Variants in SVOPL observed in about 807,000 individuals in gnomAD.
SVOPL encodes the protein putative transporter SVOPL.
A neutral mutation model predicts 61.0 loss-of-function variants in SVOPL; 60 were observed. The observed-to-expected ratio is 0.98, with a 90% CI of 0.80 to 1.22. SVOPL has a LOEUF of 1.22. Ranked by LOEUF, SVOPL falls within the 50% of genes most tolerant of loss-of-function variation. The pLI, the probability that SVOPL is intolerant of heterozygous loss-of-function variation, is 0.00. For synonymous variants in SVOPL, 279 were observed against 250.0 expected, an observed-to-expected ratio of 1.12 and a Z score of -1.09; for missense variants, 662 against 643.9, an observed-to-expected ratio of 1.03 and a Z score of -0.30.
chr7:138,697,620 A>G (rs1442342659), intron 1 of SVOPL, among the ~76,000 whole-genome samples: 4 of 143,906 alleles, frequency 2.8e-5, no homozygotes, highest in Non-Finnish European at 6.0e-5. Context: ...TCAAAAAAAA[A>G]AAAAAAAAAA....
At chr7:138,629,245 T>TTC (rs1180250346) in intron 10 of SVOPL, among the ~76,000 whole-genome samples, 1 of 150,920 alleles carries the variant, frequency 6.6e-6, no homozygotes, top group African/African-American at 2.4e-5. Context: ...TGATTTTTTT[T>TTC]TTTTTGAGAC....
chr7:138,629,003 C>G (rs1311921750), intron 10 of SVOPL, among the ~76,000 whole-genome samples: 4 of 151,870 alleles, frequency 2.6e-5, no homozygotes. Flanking sequence ...CAAAACCCAT[C>G]TCTACAAGTG....
chr7:138,614,312 G>C (rs1222421744), intron 14 of SVOPL, among the ~76,000 whole-genome samples: 2 of 151,904 alleles, frequency 1.3e-5, no homozygotes, highest in African/African-American at 2.4e-5. Flanking sequence ...AATGATTTCA[G>C]CTAGAAAAAG....
At chr7:138,671,429 C>A (rs1192567712) in intron 4 of SVOPL, among the ~76,000 whole-genome samples, 1 of 152,326 alleles carries the variant, frequency 6.6e-6, no homozygotes, top group Non-Finnish European at 1.5e-5. Context: ...CTCACTGCAA[C>A]CTCCTCCTCC....
chr7:138,599,882 C>T (rs1173275084), intron 14 of SVOPL, among the ~76,000 whole-genome samples: 1 of 122,820 alleles, frequency 8.1e-6, no homozygotes, highest in African/African-American at 3.3e-5. Flanking sequence ...AGCGAGACTC[C>T]GTCTCAAAAA....
chr7:138,680,102 C>T (rs1043945461), intron 1 of SVOPL, among the ~76,000 whole-genome samples: 1 of 151,952 alleles, frequency 6.6e-6, no homozygotes, highest in African/African-American at 2.4e-5. Context: ...GAAAAACAAT[C>T]GCAAAGCAGC....
rs33996391 is a variant in SVOPL, at chr7:138,647,847, C to CA, written c.660+1164dup. Among the ~76,000 whole-genome samples the CA allele has an allele frequency of 2.4e-3, 245 of 102,710 alleles. 1 individual carries two copies. Among genetic ancestry groups the CA allele is most frequent in the South Asian group, 8.0e-3 (24 of 3,010 alleles). The allele number at this position is 102,710 out of a possible 152,430, so 67.4% of individuals were successfully genotyped here. A position where few individuals can be genotyped will look rare whatever the true frequency, so the allele number is the denominator to read the frequency against. On this transcript the variant is annotated intron_variant, in intron 8 of 15. Coordinates refer to ENST00000674285, the MANE Select transcript of SVOPL (RefSeq NM_001139456.2). ...TGGGCAATAGAGTAAGACTCCGTTT[C>CA]AAAAAAAAAAAAAAAAAAAATAGTC...
At chr7:138,597,983 T>C (rs563782474) in intron 14 of SVOPL, among the ~76,000 whole-genome samples, 1 of 152,312 alleles carries the variant, frequency 6.6e-6, no homozygotes, top group South Asian at 2.1e-4. Flanking sequence ...GCTTTTTGCC[T>C]TCCCTGAAGC....
intron 1 of SVOPL, chr7:138,689,406 C>T: frequency 7.5e-7 from 1 of 1,340,836 alleles, no homozygotes; most frequent in East Asian, 2.3e-5. Context: ...CATGAGCTCT[C>T]CCTGCCACAT....
At chr7:138,608,903 A>T (rs1798872659) in intron 14 of SVOPL, among the ~76,000 whole-genome samples, 1 of 152,210 alleles carries the variant, frequency 6.6e-6, no homozygotes, top group Non-Finnish European at 1.5e-5. Context: ...CAAATACGGA[A>T]TATTTGTAAT....
chr7:138,679,249 G>GT (rs1203166579), intron 1 of SVOPL, among the ~76,000 whole-genome samples, 170 bp from the exon 2 acceptor site: 11 of 151,922 alleles, frequency 7.2e-5, no homozygotes, highest in Non-Finnish European at 1.3e-4. Context: ...GCAGCTCAGT[G>GT]TTTTTTTTCC....
chr7:138,633,272 A>C (rs1800302017), intron 9 of SVOPL, among the ~76,000 whole-genome samples: 1 of 152,184 alleles, frequency 6.6e-6, no homozygotes. Context: ...GTCCCCTCCA[A>C]GTCTCATGTT....
intron 7 of SVOPL, among the ~76,000 whole-genome samples, chr7:138,649,616 C>T (rs1032042658): frequency 6.6e-6 from 1 of 151,784 alleles, no homozygotes; most frequent in Non-Finnish European, 1.5e-5. Context: ...TATTTCATCA[C>T]TAAAGAACTC....
intron 6 of SVOPL, among the ~76,000 whole-genome samples, chr7:138,657,174 T>A (rs1264264771): frequency 8.0e-6 from 1 of 125,778 alleles, no homozygotes; most frequent in Non-Finnish European, 1.8e-5. Flanking sequence ...TTATTTATTT[T>A]AGAGACAAGG....
At chr7:138,622,112 ATCT>A in intron 13 of SVOPL, among the ~76,000 whole-genome samples, 1 of 139,720 alleles carries the variant, frequency 7.2e-6, no homozygotes, top group African/African-American at 2.5e-5. Context: ...CTATCTATCT[ATCT>A]ATCTATGTAT....
At chr7:138,637,867 G>A (rs919476327) in intron 9 of SVOPL, among the ~76,000 whole-genome samples, 3 of 151,028 alleles carry the variant, frequency 2.0e-5, no homozygotes, top group East Asian at 4.0e-4. Context: ...CAGGAGAATC[G>A]CTTGAACCCA....
intron 1 of SVOPL, among the ~76,000 whole-genome samples, chr7:138,684,934 C>CTTTTT (rs201231483): frequency 7.1e-6 from 1 of 140,128 alleles, no homozygotes; most frequent in Non-Finnish European, 1.5e-5. Flanking sequence ...TTTTTCTTTT[C>CTTTTT]TTTTTTTTTT....
intron 3 of SVOPL, among the ~76,000 whole-genome samples, chr7:138,674,398 G>C (rs1344016373): frequency 6.6e-6 from 1 of 151,992 alleles, no homozygotes; most frequent in African/African-American, 2.4e-5. Context: ...ACATATCAAT[G>C]CTGATGGAAG....
chr7:138,648,175 G>A (rs1801216252), intron 8 of SVOPL, among the ~76,000 whole-genome samples: 1 of 152,112 alleles, frequency 6.6e-6, no homozygotes, highest in Non-Finnish European at 1.5e-5. Flanking sequence ...TCCAACAGGT[G>A]GTGCTGAAGG....
Sources: allele counts gnomAD v4.1 joint callset (sites outside exome capture counted in the v4.1 genomes callset), GRCh38; gene constraint gnomAD v4.1.1; transcripts MANE v1.5; gene names NCBI Gene and HGNC (gene_info 2026-07-23, HGNC 2026-07-21).